The following SORT1 variants were observed in gnomAD, a reference collection of about 807,000 sequenced individuals.
The protein encoded by SORT1 is sortilin 1.
In SORT1, 39 loss-of-function variants were observed where a neutral mutation model predicts 101.7. The ratio of observed to expected loss-of-function variants is 0.38; its 90% CI spans 0.30 to 0.50. SORT1 has a LOEUF of 0.50. SORT1 is among the 20% of genes least tolerant of loss of function. SORT1 has a pLI of 0.90. For missense variants in SORT1, 878 were observed against 1,040.4 expected (o/e 0.84, Z 2.15); for synonymous variants, 396 against 393.7 (o/e 1.01, Z -0.07).
intron 11 of SORT1, 48 bp downstream of exon 11, chr1:109,336,192 G>A (rs1196603786): frequency 1.7e-6 from 2 of 1,169,544 alleles, no homozygotes; most frequent in Non-Finnish European, 1.3e-6. Context: ...ACTGATCAGA[G>A]CACAATGGAA....
intron 11 of SORT1, among the ~76,000 whole-genome samples, chr1:109,331,951 A>C (rs957732421): frequency 2.0e-5 from 3 of 151,726 alleles, no homozygotes; most frequent in African/African-American, 4.8e-5. Context: ...TTAAAAAAAA[A>C]AAACAAAAAA....
At position 109,327,029 on chromosome 1, in the gene SORT1, C is replaced by T. The variant is rs1372793771; in HGVS notation, c.1606G>A (p.Ala536Thr). ...ATAGGACGGCTGCTGTGCTCAATGG[C>T]CACAATGATGCCTCCAGAATCCAGG... ...TILDSGGIIV[A>T]IEHSSRPINV... Residue 536 changes from alanine to threonine, a missense_variant, in exon 13 of 20, where the codon GCC (alanine) becomes ACC (threonine). By Grantham distance (58) the Ala-to-Thr change is moderately conservative (BLOSUM62 0). Coordinates refer to ENST00000256637, the MANE Select transcript of SORT1 (RefSeq NM_002959.7). The T allele has an allele frequency of 3.1e-6, 5 of 1,612,306 alleles. No individual in the cohort carries two copies. The highest frequency in any genetic ancestry group is 4.2e-6 in the Non-Finnish European group (5 of 1,179,938).
intron 11 of SORT1, among the ~76,000 whole-genome samples, chr1:109,328,162 C>T (rs1360065042): frequency 2.0e-5 from 3 of 152,222 alleles, no homozygotes; most frequent in African/African-American, 7.2e-5. Flanking sequence ...CAAGTTGCTT[C>T]TACCTTTTGG....
Position 109,311,656 on chromosome 1 carries a change from CG to C in SORT1, c.*2386del, listed in dbSNP as rs1658737150. The C allele has an allele frequency of 6.6e-6, 1 of 152,148 alleles. No individual in the cohort carries two copies. 9.4% of individuals were successfully genotyped at this position (152,148 alleles called of 1,614,324 possible). On this transcript the variant is annotated 3_prime_UTR_variant, in exon 20 of 20. Transcript: ENST00000256637. ...TGAGGGGAGGGGCAGTTTCTGCAAA[CG>C]TATTTAAAATTCCCATTACTTTTGT...
intron 16 of SORT1, 44 bp downstream of exon 16, chr1:109,317,809 A>G (rs751340689): frequency 8.0e-7 from 1 of 1,253,554 alleles, no homozygotes. Flanking sequence ...ACTCTGAACA[A>G]GAACACCTCA....
At position 109,345,851 on chromosome 1, in the gene SORT1, C is replaced by G. The variant is rs755897396; in HGVS notation, c.863G>C (p.Arg288Thr). ...GAAGCTTTTTCCCAAGTCTGAAGTT[C>G]TCCATAATTCCAGAGCCCCAAGGTC... Reference protein sequence around the residue: ...KADLGALELWRTSDLGKSFKT... With the variant: ...KADLGALELWTTSDLGKSFKT... Residue 288 changes from arginine to threonine, a missense_variant, in exon 8 of 20, where the codon AGA (arginine) becomes ACA (threonine). Physicochemically the swap from Arg to Thr is moderately conservative, Grantham distance 71. Transcript: ENST00000256637. 1 of 1,613,158 alleles carries G rather than the reference C, an allele frequency of 6.2e-7. No homozygotes were observed. Among genetic ancestry groups the G allele is most frequent in the Non-Finnish European group, 8.5e-7 (1 of 1,179,282 alleles).
intron 9 of SORT1, among the ~76,000 whole-genome samples, chr1:109,341,622 T>G (rs1418095471): frequency 6.6e-6 from 1 of 152,168 alleles, no homozygotes; most frequent in Admixed American, 6.5e-5. Flanking sequence ...GTGCCAGGAT[T>G]ACAGGTGTGA....
intron 6 of SORT1, among the ~76,000 whole-genome samples, chr1:109,349,096 A>C (rs549261050): frequency 8.8e-4 from 134 of 152,366 alleles, no homozygotes; most frequent in African/African-American, 3.1e-3. Flanking sequence ...CTGTAATCCC[A>C]GCACTTTTGG....
intron 10 of SORT1, among the ~76,000 whole-genome samples, chr1:109,340,146 C>CAAAAAAAAAAAAAAAAAA (rs34790280): frequency 1.0e-5 from 1 of 96,298 alleles, no homozygotes; most frequent in Admixed American, 1.2e-4. Context: ...GATTCCATCT[C>CAAAAAAAAAAAAAAAAAA]AAAAAAAAAA....
At chr1:109,373,329 G>A (rs559036847) in intron 1 of SORT1, among the ~76,000 whole-genome samples, 54 of 152,250 alleles carry the variant, frequency 3.5e-4, no homozygotes, top group Non-Finnish European at 5.1e-4. Context: ...CAGGGCAGAA[G>A]ATTAGAGAAG....
intron 17 of SORT1, 43 bp from the exon 18 acceptor site, chr1:109,314,821 T>G: frequency 1.0e-5 from 11 of 1,097,794 alleles, no homozygotes; most frequent in Non-Finnish European, 1.5e-5. Flanking sequence ...TAGGCATGCA[T>G]ATCCTAGGAC....
chr1:109,319,342 C>T (rs78430640), intron 15 of SORT1, among the ~76,000 whole-genome samples: 18 of 152,300 alleles, frequency 1.2e-4, no homozygotes, highest in East Asian at 3.9e-4. Context: ...TCCCCTCCTC[C>T]GACCTGCCCT....
At chr1:109,354,646 AAG>A in intron 4 of SORT1, 115 bp from the exon 5 acceptor site, 1 of 771,984 alleles carries the variant, frequency 1.3e-6, no homozygotes, top group Non-Finnish European at 2.1e-6. Context: ...TAGAAATAAG[AAG>A]AGTTATAAAA....
At chr1:109,330,009 CT>C (rs112420654) in intron 11 of SORT1, among the ~76,000 whole-genome samples, 48 of 149,702 alleles carry the variant, frequency 3.2e-4, no homozygotes, top group Non-Finnish European at 6.2e-4. Context: ...AGTATCCTTT[CT>C]TTTTTTTTTG....
chr1:109,369,045 C>T (rs1283771001), intron 2 of SORT1, among the ~76,000 whole-genome samples: 5 of 146,216 alleles, frequency 3.4e-5, no homozygotes, highest in African/African-American at 1.0e-4. Flanking sequence ...CCCGGCCAGG[C>T]GCAGTGGCTC....
chr1:109,330,693 T>C (rs1648403500), intron 11 of SORT1, among the ~76,000 whole-genome samples: 2 of 151,890 alleles, frequency 1.3e-5, no homozygotes, highest in African/African-American at 2.4e-5. Flanking sequence ...GAGTTGTTTT[T>C]TTTGACAAGA....
chr1:109,365,316 G>A (rs557354567), intron 3 of SORT1, among the ~76,000 whole-genome samples: 8 of 152,192 alleles, frequency 5.3e-5, no homozygotes, highest in South Asian at 2.1e-4. Context: ...TCAACCTCCC[G>A]GACCCAAGAG....
intron 14 of SORT1, 150 bp from the exon 15 acceptor site, chr1:109,323,271 T>A: frequency 1.7e-6 from 1 of 585,628 alleles, no homozygotes; most frequent in Non-Finnish European, 3.0e-6. Context: ...AACAAAAAGT[T>A]ACACTAGTCT....
intron 14 of SORT1, 72 bp from the exon 15 acceptor site, chr1:109,323,193 A>G (rs760601531): frequency 9.4e-7 from 1 of 1,062,976 alleles, no homozygotes. Context: ...CTGCCAGGCT[A>G]TAGGAAGAAC....
Sources: gnomAD v4.1 joint callset for allele counts (sites outside exome capture counted in the v4.1 genomes callset) on GRCh38, gnomAD v4.1.1 for gene constraint, MANE v1.5 for transcripts, NCBI Gene and HGNC (gene_info 2026-07-23, HGNC 2026-07-21) for gene names.